ASIC2: variants seen among roughly 807,000 people sequenced by gnomAD.
ASIC2 encodes acid-sensing ion channel 2.
ASIC2 carries 25 observed loss-of-function variants against 57.3 expected under a neutral mutation model. That is an observed-to-expected ratio of 0.44 (90% CI 0.32 to 0.61). The LOEUF is 0.61. Ranked by LOEUF, ASIC2 falls within the 20% of genes least tolerant of loss-of-function variation. The pLI is 0.06. For missense variants in ASIC2, 641 were observed against 738.1 expected, an observed-to-expected ratio of 0.87 and a Z score of 1.52; for synonymous variants, 319 against 307.5, an observed-to-expected ratio of 1.04 and a Z score of -0.39.
At chr17:33,710,731 G>C (rs17250083) in intron 1 of ASIC2, among the ~76,000 whole-genome samples, 15,444 of 152,140 alleles carry the variant, frequency 0.1, 858 homozygotes, top group East Asian at 0.14. Context: ...AAAGGTTGTG[G>C]TGTATCCAAG....
At chr17:34,020,970 AAATT>A (rs1907137810) in intron 1 of ASIC2, among the ~76,000 whole-genome samples, 2 of 152,100 alleles carry the variant, frequency 1.3e-5, no homozygotes, top group African/African-American at 4.8e-5. Flanking sequence ...CACTACCACC[AAATT>A]ATTATCACCC....
chr17:33,140,885 T>G (rs1224732891), intron 1 of ASIC2, among the ~76,000 whole-genome samples: 2 of 152,168 alleles, frequency 1.3e-5, no homozygotes, highest in Admixed American at 1.3e-4. Flanking sequence ...TGGGGCACAT[T>G]CCATCCGGGC....
At chr17:33,668,151 G>A (rs150220749) in intron 1 of ASIC2, among the ~76,000 whole-genome samples, 1 of 152,088 alleles carries the variant, frequency 6.6e-6, no homozygotes, top group African/African-American at 2.4e-5. Context: ...ATACCTCTCT[G>A]TCCAGCATAA....
chr17:33,223,160 C>T (rs1022002961), intron 1 of ASIC2, among the ~76,000 whole-genome samples: 4 of 151,522 alleles, frequency 2.6e-5, no homozygotes, highest in Admixed American at 6.6e-5. Flanking sequence ...TCCCCCTTTT[C>T]TTTTTTTTTC....
chr17:34,095,961 G>A (rs1408003108), intron 1 of ASIC2, among the ~76,000 whole-genome samples: 1 of 151,868 alleles, frequency 6.6e-6, no homozygotes, highest in African/African-American at 2.4e-5. Flanking sequence ...TTACAGATGA[G>A]CAAACTAAAG....
chr17:33,116,833 GCA>G (rs2141992698), intron 1 of ASIC2, among the ~76,000 whole-genome samples: 1 of 152,038 alleles, frequency 6.6e-6, no homozygotes, highest in South Asian at 2.1e-4. Context: ...CCCCAGATTG[GCA>G]CAGTCATAGT....
intron 1 of ASIC2, among the ~76,000 whole-genome samples, chr17:33,125,205 A>G (rs1471072540): frequency 6.6e-6 from 1 of 152,222 alleles, no homozygotes; most frequent in Admixed American, 6.5e-5. Context: ...CTTGGGTAGA[A>G]GGGACTCATG....
intron 1 of ASIC2, among the ~76,000 whole-genome samples, chr17:34,091,165 C>T (rs1247358479): frequency 6.6e-6 from 1 of 152,234 alleles, no homozygotes; most frequent in African/African-American, 2.4e-5. Flanking sequence ...ACTAATCATC[C>T]AGCCCTTGTC....
chr17:33,640,857 A>C (rs1906541189), intron 1 of ASIC2, among the ~76,000 whole-genome samples: 1 of 152,222 alleles, frequency 6.6e-6, no homozygotes, highest in Non-Finnish European at 1.5e-5. Context: ...GGCTGAGAGC[A>C]GGAATCCCCA....
At chr17:34,117,205 G>C (rs1417436294) in intron 1 of ASIC2, among the ~76,000 whole-genome samples, 19 of 152,110 alleles carry the variant, frequency 1.2e-4, no homozygotes, top group Admixed American at 1.2e-3. Flanking sequence ...CAGTATACTA[G>C]GGAAGAGGAG....
chr17:33,359,454 A>G (rs1290483862), intron 1 of ASIC2, among the ~76,000 whole-genome samples: 1 of 152,206 alleles, frequency 6.6e-6, no homozygotes, highest in Non-Finnish European at 1.5e-5. Context: ...ACCACTACCT[A>G]CTTGGTCAGG....
intron 1 of ASIC2, among the ~76,000 whole-genome samples, chr17:33,176,987 T>C (rs1453265850): frequency 6.6e-6 from 1 of 152,168 alleles, no homozygotes; most frequent in Admixed American, 6.5e-5. Context: ...AATGCTGAAT[T>C]TGGATGGCTT....
chr17:33,405,826 A>G (rs1215295185), intron 1 of ASIC2, among the ~76,000 whole-genome samples: 1 of 152,094 alleles, frequency 6.6e-6, no homozygotes, highest in Non-Finnish European at 1.5e-5. Flanking sequence ...TTCAGAGCCC[A>G]TACCCTGAAC....
rs1194556417 is a variant in ASIC2, at chr17:33,292,023, C to T, written c.93G>A (p.Ala31=). The change falls in exon 1 of 10, where the codon GCG becomes GCA. Residue 31 remains alanine (A), a synonymous_variant. Coordinates refer to ENST00000225823, the MANE Select transcript of ASIC2 (RefSeq NM_183377.2). ...CCCCGGGCTGCCCGGCAGCCGCCAA[C>T]GCCGCGGGCGCCGGCTCCTCGCGGG... ...RMAREEPAPA[A]LAAAGQPGGG... 2 of 1,177,314 alleles carry T rather than the reference C, an allele frequency of 1.7e-6. No homozygotes were observed. Among genetic ancestry groups the T allele is most frequent in the Non-Finnish European group, 1.0e-6 (1 of 958,388 alleles). 72.9% of individuals were successfully genotyped at this position (1,177,314 alleles called of 1,614,324 possible). A position where few individuals can be genotyped will look rare whatever the true frequency, so the allele number is the denominator to read the frequency against.
At chr17:33,024,606 A>G (rs1255022121) in intron 5 of ASIC2, among the ~76,000 whole-genome samples, 1 of 152,086 alleles carries the variant, frequency 6.6e-6, no homozygotes, top group African/African-American at 2.4e-5. Flanking sequence ...CCCTGATCAA[A>G]CTTAGCCAGG....
intron 1 of ASIC2, among the ~76,000 whole-genome samples, chr17:33,973,692 C>T (rs1304901612): frequency 6.6e-6 from 1 of 152,168 alleles, no homozygotes; most frequent in South Asian, 2.1e-4. Context: ...ACTCACCCCA[C>T]CAGGCTGCCA....
At chr17:33,768,078 G>A (rs1463669267) in intron 1 of ASIC2, among the ~76,000 whole-genome samples, 4 of 151,522 alleles carry the variant, frequency 2.6e-5, no homozygotes, top group East Asian at 1.9e-4. Flanking sequence ...GCGCGATCTC[G>A]GCTCACTGCA....
rs118189439 is a variant in ASIC2 at position 33,575,962 on chromosome 17, C to T, written c.556-463895G>A. Among the ~76,000 whole-genome samples the T allele has an allele frequency of 8.1e-3, 1,229 of 152,186 alleles. 10 individuals are homozygous for T. The highest frequency in any genetic ancestry group is 0.024 in the African/African-American group (979 of 41,528). On this transcript the variant is annotated intron_variant, in intron 1 of 9. Coordinates refer to the ASIC2 transcript ENST00000359872. ...GTTGTTAACACATGAAAATAAAAGCCGATTTGGAAACAGAGTCCATCATTT... is the reference window on the plus strand; with the variant it reads ...GTTGTTAACACATGAAAATAAAAGCTGATTTGGAAACAGAGTCCATCATTT...
At chr17:33,924,288 C>G (rs2141967154) in intron 1 of ASIC2, among the ~76,000 whole-genome samples, 1 of 152,348 alleles carries the variant, frequency 6.6e-6, no homozygotes, top group East Asian at 1.9e-4. Flanking sequence ...GTGAGGCTTG[C>G]AGAGCGGGCT....
Sources: allele counts gnomAD v4.1 joint callset (sites outside exome capture counted in the v4.1 genomes callset), GRCh38; gene constraint gnomAD v4.1.1; transcripts MANE v1.5; gene names NCBI Gene and HGNC (gene_info 2026-07-23, HGNC 2026-07-21).